Variants in KLHL29 observed in about 807,000 individuals in gnomAD.
KLHL29 encodes the protein kelch like family member 29, also known as kelch-like protein 29.
A neutral mutation model predicts 80.4 loss-of-function variants in KLHL29; 21 were observed. The observed-to-expected ratio is 0.26, with a 90% confidence interval of 0.19 to 0.38. The LOEUF is 0.38. KLHL29 is among the 10% of genes least tolerant of loss of function. KLHL29 has a pLI of 1.00. For synonymous variants in KLHL29, 511 were observed against 526.8 expected, an observed-to-expected ratio of 0.97 and a Z score of 0.41; for missense variants, 867 against 1,223.9, an observed-to-expected ratio of 0.71 and a Z score of 4.35.
chr2:23,530,679 T>G (rs1178112913), intron 2 of KLHL29, among the ~76,000 whole-genome samples: 16 of 152,194 alleles, frequency 1.1e-4, no homozygotes, highest in Admixed American at 9.8e-4. Flanking sequence ...AGCCCTTGAA[T>G]GCAAAAAGAC....
chr2:23,528,276 C>T (rs960297371), intron 2 of KLHL29, among the ~76,000 whole-genome samples: 9 of 152,004 alleles, frequency 5.9e-5, no homozygotes, highest in Non-Finnish European at 1.2e-4. Context: ...GCTCTGCTGA[C>T]GGAGGGTGTT....
At chr2:23,561,665 C>T (rs1572401930) in intron 2 of KLHL29, among the ~76,000 whole-genome samples, 1 of 152,298 alleles carries the variant, frequency 6.6e-6, no homozygotes, top group East Asian at 1.9e-4. Flanking sequence ...CATGCCCTGC[C>T]GCCTCACAGG....
At chr2:23,519,375 C>T (rs1472125271) in intron 2 of KLHL29, among the ~76,000 whole-genome samples, 1 of 150,550 alleles carries the variant, frequency 6.6e-6, no homozygotes, top group African/African-American at 2.4e-5. Context: ...CCTGCTAGCT[C>T]AGACCCAGAA....
chr2:23,661,908 G>A (rs1235191299), intron 5 of KLHL29, among the ~76,000 whole-genome samples: 1 of 152,246 alleles, frequency 6.6e-6, no homozygotes, highest in Non-Finnish European at 1.5e-5. Context: ...AGGTCGCCAG[G>A]TATCCTCTAG....
chr2:23,428,519 T>C (rs1399303933), intron 1 of KLHL29, among the ~76,000 whole-genome samples: 1 of 152,140 alleles, frequency 6.6e-6, no homozygotes, highest in Non-Finnish European at 1.5e-5. Flanking sequence ...CACACAACTG[T>C]TGTGTGCAGG....
rs192977338 is a variant in KLHL29, at chr2:23,670,681, T to A, written c.941-13718T>A. The stretch of plus-strand genomic sequence containing the variant: ...TCTAATGATGTGGAGATTAATTGTA[T>A]AATTTTAAAAGATCGTTAGAAATAT... On this transcript the variant is annotated intron_variant, in intron 5 of 13. Coordinates refer to ENST00000486442, the MANE Select transcript of KLHL29 (RefSeq NM_052920.2). Among the ~76,000 whole-genome samples, 31 of 152,266 alleles carry A rather than the reference T, an allele frequency of 2.0e-4. 1 individual carries two copies. The East Asian group carries it at 6.0e-3, about 30-fold the overall frequency.
chr2:23,466,419 T>G (rs1664356126), intron 1 of KLHL29, among the ~76,000 whole-genome samples: 1 of 152,254 alleles, frequency 6.6e-6, no homozygotes, highest in Non-Finnish European at 1.5e-5. Flanking sequence ...ATATGTAGTA[T>G]TTTTATTTGC....
intron 1 of KLHL29, among the ~76,000 whole-genome samples, chr2:23,418,978 A>G (rs950965593): frequency 1.3e-5 from 2 of 152,122 alleles, no homozygotes; most frequent in Non-Finnish European, 2.9e-5. Flanking sequence ...TAGGTAAAGA[A>G]CAGGCTTTGT....
At chr2:23,624,500 G>GT (rs1161956026) in intron 3 of KLHL29, among the ~76,000 whole-genome samples, 3 of 152,144 alleles carry the variant, frequency 2.0e-5, no homozygotes, top group Non-Finnish European at 2.9e-5. Context: ...CTCACTATCT[G>GT]TATCTATGAG....
rs185767378 is a variant in KLHL29, at chr2:23,558,182, A to G, written c.-45-3970A>G. Among the ~76,000 whole-genome samples the G allele has an allele frequency of 3.2e-4, 44 of 135,562 alleles. No individual in the cohort carries two copies. In the East Asian group the frequency reaches 7.5e-3, roughly 23 times the overall value. The allele number at this position is 135,562 out of a possible 152,430, so 88.9% of individuals were successfully genotyped here. A position where few individuals can be genotyped will look rare whatever the true frequency, so the allele number is the denominator to read the frequency against. ...GTTCCTCCTTGTGCCCAGAAAGAGGACATACTGTGGTGAATACATAACATC... is the reference window on the plus strand; with the variant it reads ...GTTCCTCCTTGTGCCCAGAAAGAGGGCATACTGTGGTGAATACATAACATC... On this transcript the variant is annotated intron_variant, in intron 2 of 13. Coordinates refer to ENST00000486442, the MANE Select transcript of KLHL29 (RefSeq NM_052920.2).
At chr2:23,453,109 A>T (rs1342912859) in intron 1 of KLHL29, among the ~76,000 whole-genome samples, 29 of 114,422 alleles carry the variant, frequency 2.5e-4, no homozygotes, top group Non-Finnish European at 1.1e-4. Context: ...ATGTTTCATT[A>T]AAAAAAAAAA....
At chr2:23,617,363 C>G (rs981575799) in intron 3 of KLHL29, 4 of 152,276 alleles carry the variant, frequency 2.6e-5, no homozygotes, top group Non-Finnish European at 4.4e-5. Flanking sequence ...AGTAGCCATC[C>G]CTCTGTCCAG....
At chr2:23,448,510 A>G (rs1381460680) in intron 1 of KLHL29, among the ~76,000 whole-genome samples, 1 of 152,200 alleles carries the variant, frequency 6.6e-6, no homozygotes, top group Non-Finnish European at 1.5e-5. Flanking sequence ...AGTTTCCAGA[A>G]TTAGAAGGGC....
At chr2:23,525,615 G>A (rs918900415) in intron 2 of KLHL29, among the ~76,000 whole-genome samples, 14 of 152,234 alleles carry the variant, frequency 9.2e-5, no homozygotes, top group East Asian at 3.9e-4. Flanking sequence ...CCAGACCCCC[G>A]TCCTGAGCTT....
intron 5 of KLHL29, among the ~76,000 whole-genome samples, chr2:23,648,748 G>A (rs1407903228): frequency 6.6e-6 from 1 of 152,326 alleles, no homozygotes; most frequent in East Asian, 1.9e-4. Context: ...GGCTCCTCCA[G>A]ACCAAACAGC....
At chr2:23,649,734 G>A (rs562350219) in intron 5 of KLHL29, among the ~76,000 whole-genome samples, 1 of 152,358 alleles carries the variant, frequency 6.6e-6, no homozygotes, top group South Asian at 2.1e-4. Context: ...GGGATGAGAG[G>A]GCTGTTCAGA....
At position 23,591,625 on chromosome 2, in the gene KLHL29, C is replaced by T. The variant is rs13408108; in HGVS notation, c.285+29144C>T. On this transcript the variant is annotated intron_variant, in intron 3 of 13. Coordinates refer to ENST00000486442, the MANE Select transcript of KLHL29 (RefSeq NM_052920.2). ...CTCTCCACTGTCCATCCTGTCACTG[C>T]GTCTGCTCGGCCACCGTGCTGGCCA... 8.3e-3 allele frequency among the ~76,000 whole-genome samples: 1,265 copies of T among 152,216 alleles called. 20 individuals are homozygous for T. Among genetic ancestry groups the T allele is most frequent in the African/African-American group, 0.029 (1,197 of 41,510 alleles).
In KLHL29 at chr2:23,691,796, C is replaced by T. The variant is rs950439513; in HGVS notation, c.1202C>T (p.Ser401Leu). 3.9e-6 allele frequency: 6 copies of T among 1,551,664 alleles called. No individual in the cohort carries two copies. The highest frequency in any genetic ancestry group is 4.9e-5 in the East Asian group (2 of 40,898). ...FVYTGSLVID[S>L]ANAKTLLEAA... The stretch of plus-strand genomic sequence containing the variant: ...TACACGGGCTCCCTGGTCATCGACT[C>T]GGCCAACGCCAAGACACTGCTGGAG... The change falls in exon 7 of 14, where the codon TCG becomes TTG. Residue 401 changes from serine to leucine, a missense_variant. By Grantham distance (145) the Ser-to-Leu change is moderately radical. This residue lies in a region of KLHL29 where 443 missense variants were observed against 767.0 expected (regional missense o/e 0.58). Transcript: ENST00000486442.
chr2:23,684,281 C>T lies in KLHL29; in HGVS notation c.941-118C>T, dbSNP rs936154516. 3.8e-5 allele frequency: 28 copies of T among 730,166 alleles called. No individual in the cohort carries two copies. Among genetic ancestry groups the T allele is most frequent in the South Asian group, 4.6e-5 (1 of 21,854 alleles). 45.2% of individuals were successfully genotyped at this position (730,166 alleles called of 1,614,324 possible). ...GTGTTGAGCCAGTCTTGCCAAGAAA[C>T]AATATCAAGTATTTCCTATTTCTCT... is the stretch of plus-strand genomic sequence containing the variant. On this transcript the variant is annotated intron_variant, in intron 5 of 13. Coordinates refer to ENST00000486442, the MANE Select transcript of KLHL29 (RefSeq NM_052920.2). This position sits in a 1 kb window ranked among gnomAD's most constrained non-coding sequence, Gnocchi z 4.4.
Sources: gnomAD v4.1 joint callset for allele counts (sites outside exome capture counted in the v4.1 genomes callset) on GRCh38, gnomAD v4.1.1 for gene constraint, gnomAD v4.1.1 regional missense constraint, Gnocchi (gnomAD v3.1) non-coding constraint, MANE v1.5 for transcripts, NCBI Gene and HGNC (gene_info 2026-07-23, HGNC 2026-07-21) for gene names.